The following KANSL3 variants were observed in gnomAD, a reference collection of about 807,000 sequenced individuals.
KANSL3 encodes the protein KAT8 regulatory NSL complex subunit 3.
KANSL3 carries 16 observed loss-of-function variants against 89.2 expected under a neutral mutation model. The ratio of observed to expected loss-of-function variants is 0.18; its 90% confidence interval spans 0.12 to 0.27. KANSL3 has a LOEUF of 0.27. Ranked by LOEUF, KANSL3 falls within the 10% of genes least tolerant of loss-of-function variation. The probability of loss-of-function intolerance (pLI) is 1.00; values close to 1 mark genes in which losing one functional copy is unlikely to be tolerated. For missense variants in KANSL3, 879 were observed against 1,110.6 expected (o/e 0.79, Z 2.96); for synonymous variants, 385 against 419.7 (o/e 0.92, Z 1.01).
At chr2:96,603,206 C>T (rs1374303482) in intron 17 of KANSL3, 7 of 199,648 alleles carry the variant, frequency 3.5e-5, no homozygotes, top group Non-Finnish European at 6.1e-5. Context: ...ACTTTCACTT[C>T]GCCTCACACA....
the KANSL3 span, among the ~76,000 whole-genome samples, chr2:96,582,270 C>T: frequency 3.3e-5 from 5 of 152,074 alleles, no homozygotes; most frequent in South Asian, 2.1e-4. Context: ...TGGTGGCACA[C>T]GCCTGTAATC....
intron 12 of KANSL3, among the ~76,000 whole-genome samples, chr2:96,609,266 A>G (rs1054457872): frequency 6.6e-6 from 1 of 152,188 alleles, no homozygotes; most frequent in Non-Finnish European, 1.5e-5. Flanking sequence ...TGCCTCTGTC[A>G]GGGGGAGCTC....
intron 2 of KANSL3, among the ~76,000 whole-genome samples, chr2:96,633,633 A>C (rs535386343): frequency 1.3e-4 from 19 of 151,576 alleles, no homozygotes; most frequent in Middle Eastern, 3.4e-3. Context: ...TGGGAGGCAG[A>C]GGCATGCGGA....
At chr2:96,583,067 A>T in the KANSL3 span, among the ~76,000 whole-genome samples, 1 of 152,208 alleles carries the variant, frequency 6.6e-6, no homozygotes, top group Non-Finnish European at 1.5e-5. Flanking sequence ...AGCTGGACAG[A>T]ATGGTTACAG....
rs752081218 is a variant in KANSL3, at chr2:96,613,452, A to G, written c.795+36T>C. On this transcript the variant is annotated intron_variant, in intron 6 of 20. Coordinates refer to ENST00000431828, the MANE Select transcript of KANSL3 (RefSeq NM_001115016.3). ...TCTAAGGCTTGAGTCTAAAATTTTTATGTACCATTGTTAAGTCCTGAGCCA... is the reference window on the plus strand; with the variant it reads ...TCTAAGGCTTGAGTCTAAAATTTTTGTGTACCATTGTTAAGTCCTGAGCCA... 4 of 1,561,022 alleles carry G rather than the reference A, an allele frequency of 2.6e-6. No homozygotes were observed. In the Admixed American group the frequency reaches 5.5e-5, roughly 22 times the overall value.
chr2:96,605,548 CA>C, intron 14 of KANSL3, 37 bp from the exon 15 acceptor site: 2 of 1,546,348 alleles, frequency 1.3e-6, no homozygotes, highest in Non-Finnish European at 1.8e-6. Flanking sequence ...CTCCACAATC[CA>C]AAAAATCCCA....
In KANSL3 at chr2:96,601,701, C is replaced by CCCATAG; in HGVS notation, c.2552_2557dup (p.Met852_Gly853insAlaMet). 6.2e-7 allele frequency: 1 copy of CCCATAG among 1,613,072 alleles called. No individual in the cohort carries two copies. The highest frequency in any genetic ancestry group is 1.3e-5 in the African/African-American group (1 of 74,992). On this transcript the variant is annotated inframe_insertion, in exon 20 of 21. Coordinates refer to ENST00000431828, the MANE Select transcript of KANSL3 (RefSeq NM_001115016.3). ...CTCCTCGGATGGGGCTGCTCCTGAG[C>CCCATAG]CCATAGGGCTCAGTGTAGTGATCCT... is the stretch of plus-strand genomic sequence containing the variant.
rs533830856 is a variant in KANSL3, at chr2:96,595,694, C to T, written c.2617-63G>A. The T allele has an allele frequency of 1.5e-5, 24 of 1,556,998 alleles. No homozygotes were observed. In the African/African-American group the frequency reaches 2.2e-4, roughly 14 times the overall value. On this transcript the variant is annotated intron_variant, in intron 20 of 20. Coordinates refer to ENST00000431828, the MANE Select transcript of KANSL3 (RefSeq NM_001115016.3). ...TGACAGGTTATCATCATATTCAGAC[C>T]CTCTATCCCAATTATCCCAACTCCT...
downstream of KANSL3, among the ~76,000 whole-genome samples, chr2:96,588,583 T>G (rs2066256235): frequency 6.6e-6 from 1 of 151,930 alleles, no homozygotes; most frequent in Admixed American, 6.6e-5. Context: ...TACAATAGAC[T>G]TCCCTTTTCT....
intron 3 of KANSL3, among the ~76,000 whole-genome samples, chr2:96,630,004 A>T (rs1433361030): frequency 2.0e-5 from 3 of 152,186 alleles, no homozygotes; most frequent in Non-Finnish European, 4.4e-5. Context: ...TAATTTTTTT[A>T]AAAAAGAAGA....
intron 3 of KANSL3, chr2:96,628,747 A>T (rs2072858768): frequency 7.0e-6 from 1 of 142,340 alleles, no homozygotes; most frequent in Non-Finnish European, 1.5e-5. Flanking sequence ...AAAACCTCTT[A>T]ATCATAACCA....
intron 20 of KANSL3, 87 bp downstream of exon 20, chr2:96,601,556 T>A: frequency 6.6e-7 from 1 of 1,519,776 alleles, no homozygotes; most frequent in South Asian, 1.3e-5. Flanking sequence ...GTCCAGTGCA[T>A]GGGCAGCCCC....
chr2:96,607,425 G>A lies in KANSL3; in HGVS notation c.1741+1083C>T, dbSNP rs1447813734. Among the ~76,000 whole-genome samples the A allele has an allele frequency of 6.6e-5, 10 of 152,024 alleles. No homozygotes were observed. In the East Asian group the frequency reaches 1.5e-3, roughly 23 times the overall value. On this transcript the variant is annotated intron_variant, in intron 14 of 20. Coordinates refer to ENST00000431828, the MANE Select transcript of KANSL3 (RefSeq NM_001115016.3). ...TAGATCCCCATTTCAAACCCAGCTCGCCAATCAGCCTTCCAAACTCCTTAG... is the reference window on the plus strand; with the variant it reads ...TAGATCCCCATTTCAAACCCAGCTCACCAATCAGCCTTCCAAACTCCTTAG...
At chr2:96,617,245 C>T (rs1393000872) in intron 5 of KANSL3, among the ~76,000 whole-genome samples, 2 of 152,152 alleles carry the variant, frequency 1.3e-5, no homozygotes, top group Non-Finnish European at 2.9e-5. Flanking sequence ...AGAAAATACA[C>T]TCCACCAGAG....
downstream of KANSL3, among the ~76,000 whole-genome samples, chr2:96,588,799 G>A (rs944128455): frequency 2.0e-5 from 3 of 152,080 alleles, no homozygotes; most frequent in African/African-American, 7.2e-5. Context: ...TCACCATGTT[G>A]GCCAAGCTAG....
At chr2:96,611,277 G>A in intron 9 of KANSL3, 139 bp from the exon 10 acceptor site, 1 of 685,848 alleles carries the variant, frequency 1.5e-6, no homozygotes, top group South Asian at 1.7e-5. Flanking sequence ...TGCATCTTCT[G>A]CCACAATGGC....
chr2:96,623,488 T>C (rs1482471701), intron 3 of KANSL3, among the ~76,000 whole-genome samples: 1 of 152,184 alleles, frequency 6.6e-6, no homozygotes, highest in Non-Finnish European at 1.5e-5. Flanking sequence ...GAGGACAAAT[T>C]ACCCTTTGTT....
intron 2 of KANSL3, among the ~76,000 whole-genome samples, chr2:96,632,760 A>G (rs2073619758): frequency 6.6e-6 from 1 of 152,054 alleles, no homozygotes; most frequent in Non-Finnish European, 1.5e-5. Context: ...ACGAGGTCAG[A>G]TCGAGACTAT....
intron 20 of KANSL3, among the ~76,000 whole-genome samples, chr2:96,598,508 T>C (rs2066769341): frequency 6.6e-6 from 1 of 152,222 alleles, no homozygotes; most frequent in Admixed American, 6.5e-5. Context: ...GTTGCCTTTG[T>C]ATGTATAATA....
Sources: allele counts gnomAD v4.1 joint callset (sites outside exome capture counted in the v4.1 genomes callset), GRCh38; gene constraint gnomAD v4.1.1; transcripts MANE v1.5; gene names NCBI Gene and HGNC (gene_info 2026-07-23, HGNC 2026-07-21).